The following NHS variants were observed in gnomAD, a reference collection of about 807,000 sequenced individuals.
NHS encodes the protein actin remodeling regulator NHS.
A neutral mutation model predicts 72.5 loss-of-function variants in NHS; 5 were observed. The ratio of observed to expected loss-of-function variants is 0.07; its 90% CI spans 0.04 to 0.14. The LOEUF (loss-of-function observed/expected upper bound fraction) is 0.14, where lower values mean the gene tolerates loss of function less well. NHS is among the 10% of genes least tolerant of loss of function. The pLI, the probability that NHS is intolerant of heterozygous loss-of-function variation, is 1.00. For synonymous variants in NHS, 464 were observed against 547.7 expected (o/e 0.85, Z 2.13); for missense variants, 1,072 against 1,355.7 (o/e 0.79, Z 3.29).
chrX:17,496,796 A>G (rs1390706523), intron 1 of NHS, among the ~76,000 whole-genome samples: 1 of 111,703 alleles, frequency 9.0e-6, no homozygotes, highest in East Asian at 2.8e-4. Context: ...TCCTCTATCC[A>G]CTGCCCTCCC....
At chrX:17,691,758 A>G (rs1281970983) in intron 2 of NHS, among the ~76,000 whole-genome samples, 1 of 112,399 alleles carries the variant, frequency 8.9e-6, no homozygotes, top group Non-Finnish European at 1.9e-5. Context: ...ATACATTCTA[A>G]TTTTAAAAGA....
At position 17,416,993 on chromosome X, in the gene NHS, C is replaced by T. The variant is rs911118760; in HGVS notation, c.565+40671C>T. On this transcript the variant is annotated intron_variant, in intron 1 of 8. Coordinates refer to ENST00000676302, the MANE Select transcript of NHS (RefSeq NM_001291867.2). ...AGAAATAGAAAGATAATTACATTCACCCTCTTTATTACCCTTCTGGACAAA... is the reference window on the plus strand; with the variant it reads ...AGAAATAGAAAGATAATTACATTCATCCTCTTTATTACCCTTCTGGACAAA... Among the ~76,000 whole-genome samples, 3 of 110,900 alleles carry T rather than the reference C, an allele frequency of 2.7e-5. No individual in the cohort carries two copies. In the South Asian group the frequency reaches 1.2e-3, roughly 43 times the overall value.
chrX:17,653,168 A>G (rs1011676958), intron 1 of NHS, among the ~76,000 whole-genome samples: 9 of 112,378 alleles, frequency 8.0e-5, no homozygotes, highest in African/African-American at 2.9e-4. Flanking sequence ...GGAAGGAACC[A>G]TCTTTGTTGA....
chrX:17,526,375 C>T (rs1486335504), intron 1 of NHS, among the ~76,000 whole-genome samples: 2 of 112,259 alleles, frequency 1.8e-5, no homozygotes, highest in African/African-American at 3.2e-5. Flanking sequence ...TGGCAGTGTC[C>T]TCTTATCGTC....
intron 1 of NHS, among the ~76,000 whole-genome samples, chrX:17,615,225 C>CACATATATATACGTATATATAT (rs1569294226): frequency 4.4e-5 from 4 of 91,355 alleles, no homozygotes. Flanking sequence ...CGTATATATA[C>CACATATATATACGTATATATAT]ACATATATAT....
chrX:17,409,375 T>G (rs1402986202), intron 1 of NHS, among the ~76,000 whole-genome samples: 2 of 54,473 alleles, frequency 3.7e-5, no homozygotes, highest in South Asian at 5.2e-4. Flanking sequence ...TTCCATTATG[T>G]TTTTTTTTTT....
At chrX:17,392,067 A>T (rs992927703) in intron 1 of NHS, among the ~76,000 whole-genome samples, 4 of 111,862 alleles carry the variant, frequency 3.6e-5, no homozygotes, top group African/African-American at 1.3e-4. Context: ...ACTTTGTGAC[A>T]GAGTTCTGTC....
chrX:17,575,966 C>T (rs1303139939), intron 1 of NHS, among the ~76,000 whole-genome samples: 1 of 111,819 alleles, frequency 8.9e-6, no homozygotes, highest in Non-Finnish European at 1.9e-5. Flanking sequence ...GGAATTTCAA[C>T]ACAAAGAGGC....
chrX:17,546,279 C>T (rs757439882), intron 1 of NHS, among the ~76,000 whole-genome samples: 1 of 112,454 alleles, frequency 8.9e-6, no homozygotes, highest in South Asian at 3.7e-4. Context: ...TCCATCCTGC[C>T]ATTCTCTGTC....
intron 1 of NHS, among the ~76,000 whole-genome samples, chrX:17,434,734 C>T (rs1397227741): frequency 2.7e-5 from 3 of 111,461 alleles, no homozygotes; most frequent in African/African-American, 6.5e-5. Flanking sequence ...TGAGCCACCA[C>T]GCCCGGCCTC....
chrX:17,587,197 A>T, intron 1 of NHS: 1 of 112,687 alleles, frequency 8.9e-6, no homozygotes. Context: ...CAAACTACCA[A>T]ACTGGTAACT....
chrX:17,616,941 A>G (rs1157644095), intron 1 of NHS, among the ~76,000 whole-genome samples: 1 of 112,098 alleles, frequency 8.9e-6, no homozygotes, highest in Non-Finnish European at 1.9e-5. Context: ...TCTAAGTATC[A>G]TTCAGCTTAT....
intron 1 of NHS, among the ~76,000 whole-genome samples, chrX:17,540,651 C>T (rs1055961380): frequency 2.7e-5 from 3 of 111,949 alleles, no homozygotes; most frequent in Admixed American, 1.9e-4. Flanking sequence ...CTTGATAAAC[C>T]GTCAACCCTC....
At chrX:17,460,287 T>G (rs1211267704) in intron 1 of NHS, among the ~76,000 whole-genome samples, 2 of 111,823 alleles carry the variant, frequency 1.8e-5, no homozygotes, top group Non-Finnish European at 3.8e-5. Flanking sequence ...TTATTTTATT[T>G]ATTTATTTAT....
intron 5 of NHS, among the ~76,000 whole-genome samples, chrX:17,723,147 T>C (rs1601855362): frequency 2.7e-5 from 3 of 112,559 alleles, no homozygotes; most frequent in African/African-American, 9.7e-5. Flanking sequence ...TTATTCATCA[T>C]ATGATATCTC....
At chrX:17,424,063 A>G (rs2064637271) in intron 1 of NHS, among the ~76,000 whole-genome samples, 4 of 112,605 alleles carry the variant, frequency 3.6e-5, no homozygotes, top group African/African-American at 1.3e-4. Flanking sequence ...TGGTTATCCA[A>G]GGTGATCCTA....
rs1477564983 is a variant in NHS, at chrX:17,502,682, G to A, written c.565+126360G>A. ...CGGGCGCCTGTAGTCCCAGCTACTC[G>A]GGAGGCTGAGGCAGGAGAATGGCGT... On this transcript the variant is annotated intron_variant, in intron 1 of 8. Coordinates refer to ENST00000676302, the MANE Select transcript of NHS (RefSeq NM_001291867.2). 4.7e-5 allele frequency among the ~76,000 whole-genome samples: 2 copies of A among 42,862 alleles called. 1 individual carries two copies. The highest frequency in any genetic ancestry group is 1.0e-4 in the Non-Finnish European group (2 of 19,167). 37.2% of individuals were successfully genotyped at this position (42,862 alleles called of 115,157 possible).
intron 1 of NHS, among the ~76,000 whole-genome samples, chrX:17,569,672 A>C (rs768574295): frequency 5.3e-4 from 59 of 111,741 alleles, no homozygotes; most frequent in African/African-American, 1.6e-3. Context: ...CTTTAGTTTA[A>C]TTAGATCCCA....
chrX:17,436,625 A>AG (rs953109081), intron 1 of NHS, among the ~76,000 whole-genome samples: 2 of 109,768 alleles, frequency 1.8e-5, no homozygotes, highest in African/African-American at 6.6e-5. Context: ...AAAAAAAAAA[A>AG]AAAGAAAGAA....
Sources: allele counts gnomAD v4.1 joint callset (sites outside exome capture counted in the v4.1 genomes callset), GRCh38; gene constraint gnomAD v4.1.1; transcripts MANE v1.5; gene names NCBI Gene and HGNC (gene_info 2026-07-23, HGNC 2026-07-21).